Variants in VAC14 observed in about 807,000 individuals in gnomAD.
VAC14 encodes the protein protein VAC14 homolog.
VAC14 carries 47 observed loss-of-function variants against 85.3 expected under a neutral mutation model. The observed-to-expected ratio is 0.55, with a 90% CI of 0.44 to 0.70. VAC14 has a LOEUF of 0.70. Among genes scored for constraint, VAC14 ranks in the 30% least tolerant of loss-of-function variants. The pLI is 0.00. For missense variants in VAC14, 861 were observed against 1,004.3 expected (o/e 0.86, Z 1.93); for synonymous variants, 447 against 430.5 (o/e 1.04, Z -0.47).
chr16:70,740,170 AG>A (rs1291524662), intron 13 of VAC14, among the ~76,000 whole-genome samples: 5 of 152,198 alleles, frequency 3.3e-5, no homozygotes, highest in African/African-American at 1.2e-4. Flanking sequence ...CATGCTGGCC[AG>A]GCTGGTCTCA....
chr16:70,723,876 A>G (rs2054355982), intron 14 of VAC14, among the ~76,000 whole-genome samples: 1 of 152,328 alleles, frequency 6.6e-6, no homozygotes, highest in Non-Finnish European at 1.5e-5. Context: ...TTTCCCACCA[A>G]TCTGCTGCCA....
intron 1 of VAC14, among the ~76,000 whole-genome samples, chr16:70,793,166 A>G (rs927986046): frequency 2.6e-5 from 4 of 152,226 alleles, no homozygotes; most frequent in African/African-American, 9.6e-5. Flanking sequence ...GTGCTCGGTC[A>G]TCGCCAAGGC....
At chr16:70,776,115 T>A (rs1374439181) in intron 9 of VAC14, among the ~76,000 whole-genome samples, 3 of 152,158 alleles carry the variant, frequency 2.0e-5, no homozygotes, top group African/African-American at 7.2e-5. Flanking sequence ...ATTTTTTGTT[T>A]GTTTTTTAGA....
rs1464826444 is a variant in VAC14, at chr16:70,687,681, AG to A, written c.*246del. Reference sequence around the variant, plus strand: ...GAGGATGAGTGGTCTCTGAGGCTATAGCCCCCCACTGGGTGGGCAGCCAGCT... The same window carrying A: ...GAGGATGAGTGGTCTCTGAGGCTATACCCCCCACTGGGTGGGCAGCCAGCT... On this transcript the variant is annotated 3_prime_UTR_variant, in exon 19 of 19. Transcript: ENST00000261776. 4 of 387,578 alleles carry A rather than the reference AG, an allele frequency of 1.0e-5. No individual in the cohort carries two copies. Among genetic ancestry groups the A allele is most frequent in the African/African-American group, 8.3e-5 (4 of 48,256 alleles). 24.0% of individuals were successfully genotyped at this position (387,578 alleles called of 1,614,324 possible). A position where few individuals can be genotyped will look rare whatever the true frequency, so the allele number is the denominator to read the frequency against.
intron 13 of VAC14, among the ~76,000 whole-genome samples, chr16:70,738,857 G>A (rs778223563): frequency 2.6e-5 from 4 of 152,230 alleles, no homozygotes; most frequent in Non-Finnish European, 5.9e-5. Flanking sequence ...AAATCACCCA[G>A]CACTGGGCGA....
chr16:70,697,072 A>G (rs769936712), intron 16 of VAC14, 67 bp downstream of exon 16: 1 of 1,361,656 alleles, frequency 7.3e-7, no homozygotes, highest in Non-Finnish European at 1.0e-6. Context: ...GTTGGGTGGA[A>G]AGGGGGCAGC....
At chr16:70,750,547 G>A (rs2031298696) in intron 12 of VAC14, among the ~76,000 whole-genome samples, 1 of 152,122 alleles carries the variant, frequency 6.6e-6, no homozygotes, top group Non-Finnish European at 1.5e-5. Context: ...ACCTGGGTGT[G>A]GGCAGCATCT....
At position 70,784,234 on chromosome 16, in the gene VAC14, G is replaced by A. The variant is rs148041004; in HGVS notation, c.487-14C>T. 9.2e-5 allele frequency: 148 copies of A among 1,610,928 alleles called. No individual in the cohort carries two copies. The African/African-American group carries it at 1.8e-3, about 19-fold the overall frequency. ...AGTCACAATGTCCTGTGGATCAGAG[G>A]AAAGTGAGCTGCCGAGAGCCCGAGA... On this transcript the variant is annotated splice_polypyrimidine_tract_variant and intron_variant, in intron 4 of 18. Transcript: ENST00000261776.
chr16:70,785,138 C>CCCAGGG (rs1228375514), intron 3 of VAC14, among the ~76,000 whole-genome samples: 4 of 152,212 alleles, frequency 2.6e-5, no homozygotes, highest in Admixed American at 6.5e-5. Flanking sequence ...GTCAGCCTTC[C>CCCAGGG]CCAGGGGTTT....
chr16:70,794,418 CATA>C lies in VAC14; in HGVS notation c.104+6376_104+6378del, dbSNP rs529666530. ...TTTATGGTTGGCTTCTTTCACTTAG[CATA>C]ATGTTTTCAAGGGGCTTTTTTTTAA... On this transcript the variant is annotated intron_variant, in intron 1 of 18. Coordinates refer to ENST00000261776, the MANE Select transcript of VAC14 (RefSeq NM_018052.5). 3.9e-4 allele frequency among the ~76,000 whole-genome samples: 59 copies of C among 152,236 alleles called. 1 individual carries two copies. The highest frequency in any genetic ancestry group is 1.3e-3 in the African/African-American group (54 of 41,522).
chr16:70,732,046 CAAG>C (rs2054606628), intron 13 of VAC14, among the ~76,000 whole-genome samples: 1 of 152,058 alleles, frequency 6.6e-6, no homozygotes, highest in African/African-American at 2.4e-5. Context: ...TAAGGACAAA[CAAG>C]AAGTCAAAGA....
At chr16:70,714,838 G>C (rs568169044) in intron 14 of VAC14, 1 of 152,222 alleles carries the variant, frequency 6.6e-6, no homozygotes, top group East Asian at 1.9e-4. Context: ...GGTGTTTCAC[G>C]AGACTAATGG....
At chr16:70,784,335 C>T in intron 4 of VAC14, 115 bp from the exon 5 acceptor site, 1 of 774,198 alleles carries the variant, frequency 1.3e-6, no homozygotes. Context: ...AGGAAAATGG[C>T]AGATCCTGAG....
intron 14 of VAC14, among the ~76,000 whole-genome samples, chr16:70,708,144 T>C (rs1355861757): frequency 1.3e-5 from 2 of 152,304 alleles, no homozygotes; most frequent in South Asian, 2.1e-4. Context: ...CCTGTGTCCA[T>C]TCACAGGTAC....
intron 7 of VAC14, 92 bp downstream of exon 7, chr16:70,782,941 A>T (rs2033880801): frequency 1.2e-5 from 14 of 1,165,514 alleles, no homozygotes; most frequent in Non-Finnish European, 1.8e-5. Context: ...CTGCCCCCTC[A>T]CTGAAGCTGA....
chr16:70,692,311 A>G (rs1468106042), intron 18 of VAC14, among the ~76,000 whole-genome samples: 1 of 151,632 alleles, frequency 6.6e-6, no homozygotes, highest in Admixed American at 6.6e-5. Context: ...CCCACCCCGG[A>G]AGTGGCTGAG....
intron 12 of VAC14, chr16:70,755,336 G>T: frequency 4.6e-6 from 1 of 216,898 alleles, no homozygotes; most frequent in Non-Finnish European, 9.8e-6. Context: ...AGAGGGAGAA[G>T]GTGCATTTAG....
chr16:70,701,213 T>C (rs986131342), intron 14 of VAC14, among the ~76,000 whole-genome samples: 1 of 152,280 alleles, frequency 6.6e-6, no homozygotes, highest in African/African-American at 2.4e-5. Context: ...TGGTAGTCTG[T>C]GGTCCCAATC....
At chr16:70,727,365 A>T (rs567784788) in intron 14 of VAC14, among the ~76,000 whole-genome samples, 44 of 152,158 alleles carry the variant, frequency 2.9e-4, no homozygotes, top group African/African-American at 1.0e-3. Context: ...TTTGAGACGA[A>T]GTCTTGCTCT....
Sources: gnomAD v4.1 joint callset for allele counts (sites outside exome capture counted in the v4.1 genomes callset) on GRCh38, gnomAD v4.1.1 for gene constraint, MANE v1.5 for transcripts, NCBI Gene and HGNC (gene_info 2026-07-23, HGNC 2026-07-21) for gene names.